The following TMEM232 variants were observed in gnomAD, a reference collection of about 807,000 sequenced individuals.
TMEM232 encodes transmembrane protein 232.
Under a neutral mutation model 78.8 loss-of-function variants are expected in TMEM232, and 80 were observed. The ratio of observed to expected loss-of-function variants is 1.01; its 90% CI spans 0.85 to 1.22. The LOEUF is 1.22. TMEM232 is among the 50% of genes most tolerant of loss of function. TMEM232 has a pLI of 0.00. For synonymous variants in TMEM232, 297 were observed against 254.3 expected (o/e 1.17, Z -1.60); for missense variants, 881 against 742.2 (o/e 1.19, Z -2.17).
intron 11 of TMEM232, among the ~76,000 whole-genome samples, chr5:110,557,800 C>A (rs752208839): frequency 5.3e-5 from 8 of 152,136 alleles, no homozygotes; most frequent in Non-Finnish European, 8.8e-5. Flanking sequence ...CCATATCTAG[C>A]ACTGAGGATT....
intron 2 of TMEM232, among the ~76,000 whole-genome samples, chr5:110,649,294 G>A (rs1364771778): frequency 6.6e-6 from 1 of 151,920 alleles, no homozygotes. Flanking sequence ...ACAGCACTAG[G>A]ATTTCTTTAT....
Position 110,568,585 on chromosome 5 carries a change from A to G in TMEM232, c.1317T>C (p.Tyr439=). The G allele has an allele frequency of 1.3e-6, 2 of 1,549,378 alleles. No individual in the cohort carries two copies. The highest frequency in any genetic ancestry group is 2.5e-5 in the East Asian group (1 of 40,798). ...VVWTGYYGLV[Y]NLVKISWELQ... Reference sequence around the variant, plus strand: ...GTTCCCATGAAATTTTCACCAGGTTATACACTAAGCCATAGTAACCAGTCC... The same window carrying G: ...GTTCCCATGAAATTTTCACCAGGTTGTACACTAAGCCATAGTAACCAGTCC... The change falls in exon 11 of 14, where the codon TAT becomes TAC. Residue 439 remains tyrosine (Y), a synonymous_variant. Coordinates refer to ENST00000455884, the MANE Select transcript of TMEM232 (RefSeq NM_001039763.4).
At chr5:110,605,076 A>G in intron 10 of TMEM232, 33 bp downstream of exon 10, 2 of 1,490,300 alleles carry the variant, frequency 1.3e-6, no homozygotes, top group Non-Finnish European at 1.8e-6. Flanking sequence ...ACTTAAAAAT[A>G]TTACTCATCA....
chr5:110,415,020 A>G (rs879661517), downstream of TMEM232, among the ~76,000 whole-genome samples: 5 of 152,220 alleles, frequency 3.3e-5, no homozygotes, highest in Admixed American at 3.3e-4. Context: ...AAATGTTTGC[A>G]TACAATATCC....
At chr5:110,540,253 G>A (rs553876349) in intron 11 of TMEM232, among the ~76,000 whole-genome samples, 78 of 152,230 alleles carry the variant, frequency 5.1e-4, no homozygotes, top group Admixed American at 2.6e-3. Context: ...GAGTGGCCTC[G>A]GGATGGCCAA....
intron 12 of TMEM232, among the ~76,000 whole-genome samples, chr5:110,510,825 A>G (rs1396431652): frequency 6.6e-6 from 1 of 152,198 alleles, no homozygotes; most frequent in East Asian, 1.9e-4. Context: ...GAAAAATAGG[A>G]ACACTTTTAC....
At chr5:110,603,602 A>G (rs2149820576) in intron 10 of TMEM232, among the ~76,000 whole-genome samples, 1 of 152,280 alleles carries the variant, frequency 6.6e-6, no homozygotes, top group African/African-American at 2.4e-5. Context: ...TATGTAGGAA[A>G]ATTTCTGACA....
downstream of TMEM232, among the ~76,000 whole-genome samples, chr5:110,414,729 C>A (rs1283588620): frequency 3.3e-5 from 5 of 152,104 alleles, no homozygotes; most frequent in Non-Finnish European, 7.4e-5. Flanking sequence ...CCTTTTCCCT[C>A]CATTCTCTGT....
chr5:110,398,690 T>C (rs1561455044), intron 2 of TMEM232, among the ~76,000 whole-genome samples: 1 of 152,190 alleles, frequency 6.6e-6, no homozygotes, highest in African/African-American at 2.4e-5. Flanking sequence ...TCTAGCCACA[T>C]GGCTGCATTA....
chr5:110,607,117 T>C (rs1465383855), intron 8 of TMEM232, among the ~76,000 whole-genome samples: 2 of 152,024 alleles, frequency 1.3e-5, no homozygotes, highest in Non-Finnish European at 2.9e-5. Context: ...ATTCTTATTA[T>C]GAAAATTAAA....
intron 2 of TMEM232, among the ~76,000 whole-genome samples, chr5:110,665,505 G>C (rs1367572862): frequency 2.0e-5 from 3 of 152,004 alleles, no homozygotes; most frequent in African/African-American, 7.2e-5. Flanking sequence ...GGGGAAGCAA[G>C]GCACCTCTTA....
At chr5:110,479,099 G>A (rs750539504) in intron 12 of TMEM232, among the ~76,000 whole-genome samples, 1 of 151,512 alleles carries the variant, frequency 6.6e-6, no homozygotes, top group African/African-American at 2.4e-5. Flanking sequence ...ATATAGCTTC[G>A]TGACTTCCCT....
At chr5:110,596,217 C>T (rs1188799600) in intron 10 of TMEM232, among the ~76,000 whole-genome samples, 1 of 152,150 alleles carries the variant, frequency 6.6e-6, no homozygotes, top group East Asian at 1.9e-4. Flanking sequence ...AAACTAACAT[C>T]AGAGAATACT....
chr5:110,564,453 C>T lies in TMEM232; in HGVS notation c.1455+3994G>A, dbSNP rs999328889. Among the ~76,000 whole-genome samples the T allele has an allele frequency of 2.0e-5, 3 of 151,844 alleles. No homozygotes were observed. In the South Asian group the frequency reaches 6.2e-4, roughly 32 times the overall value. ...TTTACTCAATCAGAGCTAGAAAAAC[C>T]AAGAAGCTGTAAATATTTAAACTTT... is the stretch of plus-strand genomic sequence containing the variant. On this transcript the variant is annotated intron_variant, in intron 11 of 13. Transcript: ENST00000455884.
intron 2 of TMEM232, among the ~76,000 whole-genome samples, chr5:110,654,401 T>C (rs564089887): frequency 0.013 from 1,989 of 152,332 alleles, 36 homozygotes; most frequent in African/African-American, 0.045. Flanking sequence ...ATTTATTAAA[T>C]AGGGAATCCT....
At chr5:110,624,396 C>T (rs980706414) in intron 7 of TMEM232, among the ~76,000 whole-genome samples, 12 of 150,776 alleles carry the variant, frequency 8.0e-5, no homozygotes, top group African/African-American at 2.9e-4. Flanking sequence ...ACAATAATGA[C>T]GACTTTTTAA....
chr5:110,423,865 ATAATT>A (rs1756953616), intron 13 of TMEM232, among the ~76,000 whole-genome samples: 1 of 151,958 alleles, frequency 6.6e-6, no homozygotes, highest in Admixed American at 6.6e-5. Context: ...TCTCTTCTAG[ATAATT>A]TAGTTGAAGT....
Position 110,698,040 on chromosome 5 carries a change from A to G in TMEM232, c.-13+28587T>C, listed in dbSNP as rs564977161. Among the ~76,000 whole-genome samples the G allele has an allele frequency of 2.6e-5, 4 of 152,322 alleles. No individual in the cohort carries two copies. The East Asian group carries it at 7.7e-4, about 29-fold the overall frequency. On this transcript the variant is annotated intron_variant, in intron 1 of 13. Coordinates refer to ENST00000455884, the MANE Select transcript of TMEM232 (RefSeq NM_001039763.4). ...TAGCAAAGACTTGGAACCAACCCAA[A>G]TGTCCAACAATGATAGACTGGATTA...
intron 12 of TMEM232, among the ~76,000 whole-genome samples, chr5:110,464,276 A>T (rs573168790): frequency 1.6e-4 from 24 of 152,330 alleles, no homozygotes; most frequent in South Asian, 6.2e-4. Flanking sequence ...CAAATGAGTG[A>T]AAAATGAACA....
Sources: gnomAD v4.1 joint callset for allele counts (sites outside exome capture counted in the v4.1 genomes callset) on GRCh38, gnomAD v4.1.1 for gene constraint, MANE v1.5 for transcripts, NCBI Gene and HGNC (gene_info 2026-07-23, HGNC 2026-07-21) for gene names.